Variants in PLA2G4D observed in about 807,000 individuals in gnomAD.
The protein encoded by PLA2G4D is phospholipase A2 group IVD, also known as cytosolic phospholipase A2 delta.
PLA2G4D carries 80 observed loss-of-function variants against 94.4 expected under a neutral mutation model. The observed-to-expected ratio is 0.85, with a 90% CI of 0.71 to 1.02. The LOEUF is 1.02. Among genes scored for constraint, PLA2G4D ranks in the 50% least tolerant of loss-of-function variants. PLA2G4D has a pLI of 0.00. For synonymous variants in PLA2G4D, 438 were observed against 440.9 expected (o/e 0.99, Z 0.08); for missense variants, 1,050 against 1,034.7 (o/e 1.01, Z -0.20).
chr15:42,092,640 C>T (rs1890264191), intron 1 of PLA2G4D, among the ~76,000 whole-genome samples: 2 of 152,130 alleles, frequency 1.3e-5, no homozygotes, highest in African/African-American at 4.8e-5. Context: ...GCCCAGTCAC[C>T]TGTAGGATCC....
At chr15:42,069,067 T>C in intron 19 of PLA2G4D, 126 bp from the exon 20 acceptor site, 2 of 746,432 alleles carry the variant, frequency 2.7e-6, no homozygotes, top group Non-Finnish European at 4.3e-6. Context: ...CTGTGTCCTT[T>C]GCCCAGGAAT....
chr15:42,088,950 T>A (rs568677173), intron 1 of PLA2G4D, among the ~76,000 whole-genome samples: 2 of 152,298 alleles, frequency 1.3e-5, no homozygotes, highest in Admixed American at 6.5e-5. Flanking sequence ...GTGGCGGCCC[T>A]GCTGAACAAC....
At chr15:42,087,023 C>T (rs1890162521) in intron 3 of PLA2G4D, among the ~76,000 whole-genome samples, 1 of 152,174 alleles carries the variant, frequency 6.6e-6, no homozygotes, top group South Asian at 2.1e-4. Context: ...CCCACAGTGA[C>T]CTGATCAGGA....
intron 1 of PLA2G4D, among the ~76,000 whole-genome samples, chr15:42,090,991 C>G (rs1396349989): frequency 5.9e-5 from 9 of 152,210 alleles, no homozygotes; most frequent in Non-Finnish European, 1.2e-4. Context: ...CCAGTAAAAG[C>G]TTCCCTTTCC....
chr15:42,070,212 G>C (rs372461493), intron 18 of PLA2G4D, 117 bp from the exon 19 acceptor site: 1 of 1,070,684 alleles, frequency 9.3e-7, no homozygotes, highest in Admixed American at 3.8e-5. Context: ...TGTCCTGTTT[G>C]TGGTCGGGCC....
rs17690899 is a variant in PLA2G4D, at chr15:42,070,814, G to C, written c.1946C>G (p.Ala649Gly). The C allele has an allele frequency of 0.1, 161,782 of 1,608,538 alleles. 9,194 individuals are homozygous for C. The highest frequency in any genetic ancestry group is 0.12 in the Non-Finnish European group (136,933 of 1,177,266). Residue 649 changes from alanine to glycine, a missense_variant, in exon 18 of 20, where the codon GCC (alanine) becomes GGC (glycine). Transcript: ENST00000290472. ...KEPRLCLVDA[A>G]YFINTSSPSM... ...GGGAGAGCTGGTGTTGATGAAGTAGGCGGCGTCCACCAGGCAGAGCCGGGG... is the reference window on the plus strand; with the variant it reads ...GGGAGAGCTGGTGTTGATGAAGTAGCCGGCGTCCACCAGGCAGAGCCGGGG...
At position 42,082,345 on chromosome 15, in the gene PLA2G4D, G is replaced by A. The variant is rs1566863718; in HGVS notation, c.717C>T (p.Tyr239=). Residue 239 remains tyrosine, a synonymous_variant, in exon 9 of 20, where the codon TAC becomes TAT. Transcript: ENST00000290472. ...NGWNGDNSAG[Y]LTVPLRPLTI... ...TCAAGGGCCTCAGGGGCACAGTGAG[G>A]TACCCAGCTGAGTTGTCCCCATTCC... 2 of 1,614,106 alleles carry A rather than the reference G, an allele frequency of 1.2e-6. No individual in the cohort carries two copies. Among genetic ancestry groups the A allele is most frequent in the Non-Finnish European group, 1.7e-6 (2 of 1,180,016 alleles).
intron 19 of PLA2G4D, among the ~76,000 whole-genome samples, chr15:42,069,431 G>A (rs926110295): frequency 1.3e-5 from 2 of 152,168 alleles, no homozygotes; most frequent in Admixed American, 1.3e-4. Flanking sequence ...GCAGCAATGA[G>A]TTTTTCCCAC....
rs777749261 is a variant in PLA2G4D at position 42,081,467 on chromosome 15, G to T, written c.957+12C>A. The T allele has an allele frequency of 6.2e-7, 1 of 1,611,676 alleles. No homozygotes were observed. The highest frequency in any genetic ancestry group is 1.1e-5 in the South Asian group (1 of 90,622). ...AGGATATCTGCACACACATCCCTCT[G>T]CACCCCCAGACCTCATCCTCCTGCA... On this transcript the variant is annotated intron_variant, in intron 11 of 19. Transcript: ENST00000290472.
intron 13 of PLA2G4D, among the ~76,000 whole-genome samples, chr15:42,079,318 C>A (rs931286505): frequency 6.6e-6 from 1 of 152,262 alleles, no homozygotes; most frequent in Non-Finnish European, 1.5e-5. Context: ...GACATCGACT[C>A]ATTCCCAGCT....
At chr15:42,091,697 G>A (rs1253901790) in intron 1 of PLA2G4D, among the ~76,000 whole-genome samples, 1 of 152,182 alleles carries the variant, frequency 6.6e-6, no homozygotes, top group Non-Finnish European at 1.5e-5. Flanking sequence ...CTGTGATGCT[G>A]TGCTTCAGTA....
intron 2 of PLA2G4D, 43 bp downstream of exon 2, chr15:42,087,585 G>T (rs769952408): frequency 1.3e-4 from 202 of 1,612,194 alleles, no homozygotes; most frequent in Middle Eastern, 3.3e-4. Context: ...TATGGGATCT[G>T]GTCCTCCCTG....
intron 14 of PLA2G4D, 144 bp from the exon 15 acceptor site, chr15:42,072,055 C>T: frequency 1.7e-6 from 2 of 1,166,704 alleles, no homozygotes; most frequent in Admixed American, 5.2e-5. Context: ...GAGGAATGGG[C>T]AGTCCTGGAC....
At chr15:42,092,548 C>A (rs993627632) in intron 1 of PLA2G4D, among the ~76,000 whole-genome samples, 1 of 152,222 alleles carries the variant, frequency 6.6e-6, no homozygotes, top group African/African-American at 2.4e-5. Flanking sequence ...AGGGGCGTCA[C>A]ATTCCCTTCT....
rs759386204 is a variant in PLA2G4D, at chr15:42,068,954, A to T, written c.2231-13T>A. 1.2e-6 allele frequency: 2 copies of T among 1,602,688 alleles called. No individual in the cohort carries two copies. The highest frequency in any genetic ancestry group is 1.7e-6 in the Non-Finnish European group (2 of 1,175,870). ...CTGCGCTGGACACCTGCCCAGGGGT[A>T]GGAGGGGTGTCAGGAGCAGGACGCC... On this transcript the variant is annotated splice_polypyrimidine_tract_variant and intron_variant, in intron 19 of 19. Coordinates refer to ENST00000290472, the MANE Select transcript of PLA2G4D (RefSeq NM_178034.4).
At chr15:42,073,968 G>T (rs925933507) in intron 13 of PLA2G4D, among the ~76,000 whole-genome samples, 8 of 152,192 alleles carry the variant, frequency 5.3e-5, no homozygotes, top group Admixed American at 2.6e-4. Context: ...CAGGGAATTT[G>T]CAGGAAATCT....
intron 12 of PLA2G4D, 49 bp downstream of exon 12, chr15:42,080,948 C>T (rs377130737): frequency 7.5e-6 from 12 of 1,592,958 alleles, no homozygotes; most frequent in African/African-American, 6.7e-5. Flanking sequence ...CACTCTGCCC[C>T]GCTATGGCCC....
intron 10 of PLA2G4D, 50 bp from the exon 11 acceptor site, chr15:42,081,664 C>A: frequency 6.2e-7 from 1 of 1,610,446 alleles, no homozygotes; most frequent in Non-Finnish European, 8.5e-7. Context: ...ATAGCTCAGC[C>A]ACTGGCTGGC....
chr15:42,072,432 G>T (rs370053800), intron 13 of PLA2G4D, 40 bp from the exon 14 acceptor site: 1 of 1,539,528 alleles, frequency 6.5e-7, no homozygotes. Flanking sequence ...GAGGCTGGGA[G>T]TACCCTGGAG....
Sources: allele counts gnomAD v4.1 joint callset (sites outside exome capture counted in the v4.1 genomes callset), GRCh38; gene constraint gnomAD v4.1.1; transcripts MANE v1.5; gene names NCBI Gene and HGNC (gene_info 2026-07-23, HGNC 2026-07-21).